Variants in VTCN1 observed in about 807,000 individuals in gnomAD.
The protein encoded by VTCN1 is V-set domain-containing T-cell activation inhibitor 1.
A neutral mutation model predicts 26.5 loss-of-function variants in VTCN1; 26 were observed. That is an observed-to-expected ratio of 0.98 (90% CI 0.72 to 1.36). The LOEUF is 1.36. Among genes scored for constraint, VTCN1 ranks in the 40% most tolerant of loss-of-function variants. The pLI is 0.00. For synonymous variants in VTCN1, 116 were observed against 130.7 expected, an observed-to-expected ratio of 0.89 and a Z score of 0.77; for missense variants, 298 against 337.7, an observed-to-expected ratio of 0.88 and a Z score of 0.92.
rs1018271134 is a variant in VTCN1 at position 117,144,452 on chromosome 1, C to G, written c.*819G>C. The G allele has an allele frequency of 1.3e-5, 2 of 152,130 alleles. No individual in the cohort carries two copies. The highest frequency in any genetic ancestry group is 4.8e-5 in the African/African-American group (2 of 41,424). The allele number at this position is 152,130 out of a possible 1,614,324, so 9.4% of individuals were successfully genotyped here. A position where few individuals can be genotyped will look rare whatever the true frequency, so the allele number is the denominator to read the frequency against. Reference sequence around the variant, plus strand: ...AAAACTGAGGTCTTAGCTGTCCACGCAGGATGGAAAGGAGAAGCCTCAGAG... The same window carrying G: ...AAAACTGAGGTCTTAGCTGTCCACGGAGGATGGAAAGGAGAAGCCTCAGAG... On this transcript the variant is annotated 3_prime_UTR_variant, in exon 6 of 6. Transcript: ENST00000369458.
rs1651570109 is a variant in VTCN1 at position 117,147,528 on chromosome 1, G to A, written c.*45+85C>T. 1 of 1,127,462 alleles carries A rather than the reference G, an allele frequency of 8.9e-7. No individual in the cohort carries two copies. Among genetic ancestry groups the A allele is most frequent in the Non-Finnish European group, 1.2e-6 (1 of 810,272 alleles). The allele number at this position is 1,127,462 out of a possible 1,614,324, so 69.8% of individuals were successfully genotyped here. ...GTGTCATTAAATGTTTCTTTCTGTG[G>A]CTGATGCTGAAGGCTATCCGACTCT... is the stretch of plus-strand genomic sequence containing the variant. On this transcript the variant is annotated intron_variant, in intron 5 of 5. Coordinates refer to ENST00000369458, the MANE Select transcript of VTCN1 (RefSeq NM_024626.4). The surrounding 1 kb of genome is among the most constrained non-coding windows in gnomAD (Gnocchi z 4.6).
At chr1:117,160,128 G>T (rs1652290542) in intron 2 of VTCN1, among the ~76,000 whole-genome samples, 1 of 152,190 alleles carries the variant, frequency 6.6e-6, no homozygotes, top group Non-Finnish European at 1.5e-5. Context: ...GAGCCCAAGA[G>T]GAGAGTGGAG....
At chr1:117,196,050 G>A (rs1648491645) in intron 1 of VTCN1, among the ~76,000 whole-genome samples, 1 of 152,108 alleles carries the variant, frequency 6.6e-6, no homozygotes, top group African/African-American at 2.4e-5. Context: ...TACTTGGAAG[G>A]GTGAAGTGGG....
chr1:117,166,890 G>C (rs912025022), intron 2 of VTCN1, among the ~76,000 whole-genome samples: 8 of 151,096 alleles, frequency 5.3e-5, no homozygotes, highest in African/African-American at 1.9e-4. Context: ...TCAGGAGTTC[G>C]AGACCAGTCT....
chr1:117,178,990 A>G (rs1647538142), intron 1 of VTCN1, among the ~76,000 whole-genome samples: 1 of 152,092 alleles, frequency 6.6e-6, no homozygotes, highest in Non-Finnish European at 1.5e-5. Context: ...TAGCTACAAA[A>G]CCACGGGAAT....
chr1:117,210,673 C>T, intron 1 of VTCN1, 151 bp downstream of exon 1: 1 of 808,722 alleles, frequency 1.2e-6, no homozygotes, highest in African/African-American at 1.7e-5. Context: ...CAGTTAGGCT[C>T]TTGTCTGGCC....
intron 1 of VTCN1, among the ~76,000 whole-genome samples, chr1:117,188,517 G>A (rs1648077036): frequency 6.6e-6 from 1 of 152,152 alleles, no homozygotes; most frequent in Non-Finnish European, 1.5e-5. Context: ...TTCTATATGT[G>A]CACTTTAAAA....
At chr1:117,196,677 G>T (rs1648529438) in intron 1 of VTCN1, among the ~76,000 whole-genome samples, 1 of 151,882 alleles carries the variant, frequency 6.6e-6, no homozygotes, top group Non-Finnish European at 1.5e-5. Flanking sequence ...CATAAAGCTG[G>T]TAACTTAAAT....
chr1:117,156,810 T>A lies in VTCN1; in HGVS notation c.209A>T (p.Gln70Leu). ...PDIKLSDIVI[Q>L]WLKEGVLGLV... ...GCCTAAAACACCTTCCTTCAGCCAT[T>A]GTATCACGATATCAGAAAGTTTGAT... The change falls in exon 3 of 6, where the codon CAA (glutamine) becomes CTA (leucine). Residue 70 changes from glutamine (Q) to leucine (L), a missense_variant. By Grantham distance (113) the Gln-to-Leu change is moderately radical (BLOSUM62 -2). Transcript: ENST00000369458. The A allele has an allele frequency of 1.4e-5, 23 of 1,614,104 alleles. No homozygotes were observed. Among genetic ancestry groups the A allele is most frequent in the Non-Finnish European group, 1.8e-5 (21 of 1,180,018 alleles).
At chr1:117,149,578 G>A (rs539548945) in intron 4 of VTCN1, among the ~76,000 whole-genome samples, 1 of 151,772 alleles carries the variant, frequency 6.6e-6, no homozygotes, top group Non-Finnish European at 1.5e-5. Context: ...AACCCAGCCG[G>A]AACTCTGCCT....
intron 1 of VTCN1, among the ~76,000 whole-genome samples, chr1:117,199,418 C>T (rs1030166563): frequency 2.0e-5 from 3 of 152,150 alleles, no homozygotes; most frequent in Non-Finnish European, 4.4e-5. Context: ...CTCTGCCTCA[C>T]AGGCTCAAGC....
intron 1 of VTCN1, among the ~76,000 whole-genome samples, chr1:117,171,908 C>G (rs547374547): frequency 6.6e-4 from 100 of 152,146 alleles, no homozygotes; most frequent in Non-Finnish European, 1.2e-3. Flanking sequence ...TGGGGCGTGT[C>G]CCTTTTCTTT....
intron 3 of VTCN1, among the ~76,000 whole-genome samples, chr1:117,156,193 T>C (rs1192048683): frequency 6.6e-6 from 1 of 152,212 alleles, no homozygotes; most frequent in African/African-American, 2.4e-5. Context: ...ATGCACTCAC[T>C]GTCATGAGTC....
chr1:117,172,127 T>C (rs6428683), intron 1 of VTCN1, among the ~76,000 whole-genome samples: 111,010 of 152,054 alleles, frequency 0.73, 41,932 homozygotes, highest in East Asian at 0.97. Context: ...CTGATGTTAC[T>C]CAATAGGCAG....
At chr1:117,185,294 G>A (rs921851905) in intron 1 of VTCN1, among the ~76,000 whole-genome samples, 3 of 152,184 alleles carry the variant, frequency 2.0e-5, no homozygotes, top group Admixed American at 2.0e-4. Context: ...AGGCAGGAAT[G>A]ACTAGGGTCT....
chr1:117,149,004 G>C (rs1651656865), intron 4 of VTCN1, among the ~76,000 whole-genome samples: 1 of 152,160 alleles, frequency 6.6e-6, no homozygotes, highest in African/African-American at 2.4e-5. Flanking sequence ...CTTATGTCCA[G>C]CTGCTCCTAA....
At position 117,169,870 on chromosome 1, in the gene VTCN1, G is replaced by A. The variant is rs559082578; in HGVS notation, c.97+237C>T. On this transcript the variant is annotated intron_variant, in intron 2 of 5. Transcript: ENST00000369458. This position sits in a 1 kb window ranked among gnomAD's most constrained non-coding sequence, Gnocchi z 4.0. ...AGATCATGCCACTGCACTCCAACCT[G>A]GGCAACAGAGCCAGACCCTGTCTCA... 6.6e-6 allele frequency among the ~76,000 whole-genome samples: 1 copy of A among 152,202 alleles called. No homozygotes were observed. Among genetic ancestry groups the A allele is most frequent in the South Asian group, 2.1e-4 (1 of 4,824 alleles).
In VTCN1 at chr1:117,167,023, G is replaced by T. The variant is rs1342691388; in HGVS notation, c.97+3084C>A. ...CAGAAGAATAACCTGAAGCTGGGAG[G>T]CAGAGGCTGCAGTGAGCCGAGATTA... On this transcript the variant is annotated intron_variant, in intron 2 of 5. Transcript: ENST00000369458. This position sits in a 1 kb window ranked among gnomAD's most constrained non-coding sequence, Gnocchi z 4.1. Among the ~76,000 whole-genome samples the T allele has an allele frequency of 2.6e-5, 4 of 151,322 alleles. No homozygotes were observed. Among genetic ancestry groups the T allele is most frequent in the African/African-American group, 9.8e-5 (4 of 40,954 alleles).
intron 1 of VTCN1, among the ~76,000 whole-genome samples, chr1:117,190,853 T>G (rs60927806): frequency 6.6e-6 from 1 of 152,180 alleles, no homozygotes; most frequent in African/African-American, 2.4e-5. Flanking sequence ...TGCAAGTCTA[T>G]GCACATTAAG....
Sources: allele counts gnomAD v4.1 joint callset (sites outside exome capture counted in the v4.1 genomes callset), GRCh38; gene constraint gnomAD v4.1.1; non-coding constraint Gnocchi (gnomAD v3.1); transcripts MANE v1.5; gene names NCBI Gene and HGNC (gene_info 2026-07-23, HGNC 2026-07-21).